SPOCK3: variants seen among roughly 807,000 people sequenced by gnomAD.
SPOCK3 encodes testican-3.
SPOCK3 carries 30 observed loss-of-function variants against 56.6 expected under a neutral mutation model. That is an observed-to-expected ratio of 0.53 (90% CI 0.40 to 0.72). The LOEUF (loss-of-function observed/expected upper bound fraction) is 0.72. Among genes scored for constraint, SPOCK3 ranks in the 30% least tolerant of loss-of-function variants. The probability of loss-of-function intolerance (pLI) is 0.00; values close to 1 mark genes in which losing one functional copy is unlikely to be tolerated. For synonymous variants in SPOCK3, 196 were observed against 183.3 expected, an observed-to-expected ratio of 1.07 and a Z score of -0.56; for missense variants, 527 against 530.0, an observed-to-expected ratio of 0.99 and a Z score of 0.06.
chr4:167,154,688 T>C (rs1372439867), intron 2 of SPOCK3, among the ~76,000 whole-genome samples: 1 of 152,156 alleles, frequency 6.6e-6, no homozygotes, highest in Non-Finnish European at 1.5e-5. Context: ...AAATTGAAAA[T>C]TTCTATCATT....
intron 7 of SPOCK3, among the ~76,000 whole-genome samples, chr4:166,766,844 T>C (rs1362434089): frequency 6.6e-6 from 1 of 152,236 alleles, no homozygotes; most frequent in Non-Finnish European, 1.5e-5. Flanking sequence ...GGTACGCTCT[T>C]AATTATTGCC....
intron 6 of SPOCK3, among the ~76,000 whole-genome samples, chr4:166,886,645 A>G (rs1023358667): frequency 5.3e-5 from 8 of 152,188 alleles, no homozygotes; most frequent in African/African-American, 1.9e-4. Context: ...TGATCTTAAC[A>G]TAGGAAAACA....
chr4:166,935,283 C>G (rs1174790603), intron 4 of SPOCK3, among the ~76,000 whole-genome samples: 1 of 152,118 alleles, frequency 6.6e-6, no homozygotes, highest in African/African-American at 2.4e-5. Context: ...CAGCAAAGGG[C>G]AGGCTTGCTC....
At chr4:166,912,825 G>T in intron 4 of SPOCK3, 82 bp from the exon 5 acceptor site, 1 of 1,177,230 alleles carries the variant, frequency 8.5e-7, no homozygotes, top group Non-Finnish European at 1.1e-6. Context: ...CTCCTAAACT[G>T]CCATTCCAAC....
chr4:166,897,162 T>C (rs570392739), intron 5 of SPOCK3, among the ~76,000 whole-genome samples: 1 of 152,270 alleles, frequency 6.6e-6, no homozygotes, highest in African/African-American at 2.4e-5. Flanking sequence ...ATATTAATCA[T>C]TATGTAGTAA....
chr4:167,173,670 C>A (rs1328600875), intron 2 of SPOCK3, among the ~76,000 whole-genome samples: 3 of 152,084 alleles, frequency 2.0e-5, no homozygotes, highest in African/African-American at 7.2e-5. Context: ...TATTTGAGTG[C>A]CTACTGAGTA....
chr4:167,087,696 T>G (rs2150303346), intron 2 of SPOCK3, among the ~76,000 whole-genome samples: 1 of 152,302 alleles, frequency 6.6e-6, no homozygotes, highest in African/African-American at 2.4e-5. Flanking sequence ...TATTTCAAGT[T>G]ATCACATATA....
rs1561223582 is a variant in SPOCK3 at position 167,108,975 on chromosome 4, ATATTATAAATATATATTTAT to A, written c.190-46458_190-46439del. On this transcript the variant is annotated intron_variant, in intron 2 of 10. Transcript: ENST00000357545. The stretch of plus-strand genomic sequence containing the variant: ...AAATATTATATATATAAATATATAA[ATATTATAAATATATATTTAT>A]ATATATATAAATATATACTTATATA... Among the ~76,000 whole-genome samples, 9 of 57,740 alleles carry A rather than the reference ATATTATAAATATATATTTAT, an allele frequency of 1.6e-4. 1 individual carries two copies. The highest frequency in any genetic ancestry group is 6.6e-4 in the African/African-American group (8 of 12,040). The allele number at this position is 57,740 out of a possible 152,430, so 37.9% of individuals were successfully genotyped here.
chr4:167,054,349 A>C (rs1754557107), intron 3 of SPOCK3, among the ~76,000 whole-genome samples: 1 of 152,246 alleles, frequency 6.6e-6, no homozygotes, highest in South Asian at 2.1e-4. Context: ...CATCTAAAGC[A>C]TTGATTAATT....
chr4:166,848,025 C>A (rs911683804), intron 6 of SPOCK3, among the ~76,000 whole-genome samples: 1 of 152,074 alleles, frequency 6.6e-6, no homozygotes, highest in Non-Finnish European at 1.5e-5. Context: ...AAGTTTCCTA[C>A]AAATTACACA....
chr4:166,907,658 A>G (rs1736773790), intron 5 of SPOCK3, among the ~76,000 whole-genome samples: 1 of 152,094 alleles, frequency 6.6e-6, no homozygotes, highest in Non-Finnish European at 1.5e-5. Context: ...GACAATTAGA[A>G]CACTCCTCAA....
chr4:167,104,630 T>A (rs1478742256), intron 2 of SPOCK3, among the ~76,000 whole-genome samples: 1 of 151,928 alleles, frequency 6.6e-6, no homozygotes, highest in Non-Finnish European at 1.5e-5. Context: ...GTTATTGCCC[T>A]TAAAGGGGAG....
chr4:166,765,010 A>G (rs1264617019), intron 7 of SPOCK3, among the ~76,000 whole-genome samples: 1 of 152,034 alleles, frequency 6.6e-6, no homozygotes, highest in Non-Finnish European at 1.5e-5. Flanking sequence ...GTCTGTTCAT[A>G]TCCTTTACCC....
chr4:166,871,537 C>A (rs1313037913), intron 6 of SPOCK3, among the ~76,000 whole-genome samples: 1 of 152,018 alleles, frequency 6.6e-6, no homozygotes, highest in Admixed American at 6.6e-5. Context: ...AACCGTATAT[C>A]TATTGTAAAA....
intron 2 of SPOCK3, among the ~76,000 whole-genome samples, chr4:167,224,338 G>C (rs372004002): frequency 3.0e-4 from 45 of 152,200 alleles, no homozygotes; most frequent in African/African-American, 1.0e-3. Flanking sequence ...AGTTAAAATA[G>C]AGTTTATTTG....
At chr4:167,026,014 A>G (rs138429620) in intron 3 of SPOCK3, among the ~76,000 whole-genome samples, 2 of 152,210 alleles carry the variant, frequency 1.3e-5, no homozygotes, top group African/African-American at 4.8e-5. Flanking sequence ...ATATCTAAAC[A>G]TAGAAAAGGT....
intron 6 of SPOCK3, among the ~76,000 whole-genome samples, chr4:166,849,275 C>T (rs995907172): frequency 6.6e-6 from 1 of 152,106 alleles, no homozygotes; most frequent in African/African-American, 2.4e-5. Flanking sequence ...ATTTATATTT[C>T]TGTCAGTCTG....
intron 6 of SPOCK3, among the ~76,000 whole-genome samples, chr4:166,845,269 C>CA (rs1468717434): frequency 2.6e-5 from 4 of 151,906 alleles, no homozygotes; most frequent in African/African-American, 9.7e-5. Flanking sequence ...GAACCATTTG[C>CA]AAAAAGAACA....
At chr4:166,895,890 A>G (rs1287888693) in intron 5 of SPOCK3, among the ~76,000 whole-genome samples, 3 of 152,114 alleles carry the variant, frequency 2.0e-5, no homozygotes, top group Non-Finnish European at 2.9e-5. Flanking sequence ...CTCTGTGTAA[A>G]GTCTCCCCTT....
Sources: gnomAD v4.1 joint callset for allele counts (sites outside exome capture counted in the v4.1 genomes callset) on GRCh38, gnomAD v4.1.1 for gene constraint, MANE v1.5 for transcripts, NCBI Gene and HGNC (gene_info 2026-07-23, HGNC 2026-07-21) for gene names.